PREX1: variants seen among roughly 807,000 people sequenced by gnomAD.
PREX1 encodes the protein phosphatidylinositol-3,4,5-trisphosphate dependent Rac exchange factor 1, also known as phosphatidylinositol 3,4,5-trisphosphate-dependent Rac exchanger 1 protein.
A neutral mutation model predicts 198.3 loss-of-function variants in PREX1; 41 were observed. The ratio of observed to expected loss-of-function variants is 0.21; its 90% confidence interval spans 0.16 to 0.27. The LOEUF is 0.27. PREX1 is among the 10% of genes least tolerant of loss of function. PREX1 has a pLI of 1.00. For missense variants in PREX1, 1,620 were observed against 2,200.7 expected, an observed-to-expected ratio of 0.74 and a Z score of 5.28; for synonymous variants, 843 against 887.2, an observed-to-expected ratio of 0.95 and a Z score of 0.89.
intron 5 of PREX1, among the ~76,000 whole-genome samples, chr20:48,711,750 A>C (rs1209604216): frequency 6.6e-6 from 1 of 152,224 alleles, no homozygotes; most frequent in Non-Finnish European, 1.5e-5. Context: ...GTTAAAAGCA[A>C]CAGAACTGAT....
intron 1 of PREX1, among the ~76,000 whole-genome samples, chr20:48,795,700 G>A (rs2090359152): frequency 6.6e-6 from 1 of 152,068 alleles, no homozygotes; most frequent in Admixed American, 6.5e-5. Context: ...GTAGGCAGAA[G>A]TCAGAAGGAA....
chr20:48,794,158 G>A (rs1176947902), intron 1 of PREX1, among the ~76,000 whole-genome samples: 7 of 152,136 alleles, frequency 4.6e-5, no homozygotes, highest in Non-Finnish European at 7.4e-5. Flanking sequence ...AGCTGCAAAC[G>A]AGCCCCTCTA....
chr20:48,822,287 T>TGTAATTTTGCTCATGAA (rs1243530755), intron 1 of PREX1, among the ~76,000 whole-genome samples: 1 of 152,212 alleles, frequency 6.6e-6, no homozygotes, highest in African/African-American at 2.4e-5. Flanking sequence ...CCCAGAGGTC[T>TGTAATTTTGCTCATGAA]CACAGGGGCA....
intron 15 of PREX1, among the ~76,000 whole-genome samples, chr20:48,663,527 C>CAAA (rs982399552): frequency 1.3e-5 from 2 of 152,220 alleles, no homozygotes; most frequent in Non-Finnish European, 2.9e-5. Context: ...GACTTCGTCT[C>CAAA]AAAAAACAAA....
chr20:48,660,157 G>C (rs765897382), intron 15 of PREX1, 96 bp from the exon 16 acceptor site: 13 of 1,479,086 alleles, frequency 8.8e-6, no homozygotes, highest in Non-Finnish European at 1.2e-5. Flanking sequence ...ACTAGGCCAT[G>C]GACACGTTTG....
upstream of PREX1, among the ~76,000 whole-genome samples, chr20:48,831,591 C>T (rs186839358): frequency 2.7e-3 from 409 of 152,348 alleles, 2 homozygotes; most frequent in South Asian, 6.0e-3. Context: ...ATACTGAGGG[C>T]CTCCTATGCT....
intron 4 of PREX1, 145 bp from the exon 5 acceptor site, chr20:48,726,536 C>T (rs2090011186): frequency 1.6e-6 from 1 of 627,916 alleles, no homozygotes; most frequent in South Asian, 1.9e-5. Context: ...AAACGTGCAT[C>T]ATCTACAACC....
chr20:48,767,208 C>T (rs542315042), intron 1 of PREX1, among the ~76,000 whole-genome samples: 9 of 152,324 alleles, frequency 5.9e-5, no homozygotes, highest in South Asian at 4.1e-4. Flanking sequence ...CTAACCACCT[C>T]GACTCCCTGC....
chr20:48,754,006 C>T (rs1237118979), intron 1 of PREX1, among the ~76,000 whole-genome samples: 3 of 152,166 alleles, frequency 2.0e-5, no homozygotes, highest in Admixed American at 6.5e-5. Context: ...TTTCCTTGGC[C>T]GTCTACGCAG....
rs565507839 is a variant in PREX1 at position 48,816,631 on chromosome 20, C to A, written c.219+11011G>T. ...GTGGCTATGTTGTGGCAGGACCACA[C>A]CCCTAAGACTCAAGGCACCTCTAGG... On this transcript the variant is annotated intron_variant, in intron 1 of 39. Coordinates refer to ENST00000371941, the MANE Select transcript of PREX1 (RefSeq NM_020820.4). Among the ~76,000 whole-genome samples the A allele has an allele frequency of 9.9e-4, 151 of 152,220 alleles. 2 individuals carry two copies. The highest frequency in any genetic ancestry group is 3.3e-3 in the African/African-American group (136 of 41,530).
chr20:48,665,187 C>T (rs1017371835), intron 15 of PREX1, among the ~76,000 whole-genome samples: 3 of 148,300 alleles, frequency 2.0e-5, no homozygotes, highest in Admixed American at 6.8e-5. Context: ...TAACTCCAGA[C>T]GGCCTGAGTT....
chr20:48,857,163 G>A, the PREX1 span, among the ~76,000 whole-genome samples: 2 of 152,196 alleles, frequency 1.3e-5, no homozygotes, highest in Admixed American at 1.3e-4. Flanking sequence ...TTAGGTCCTT[G>A]CCACCCATGG....
At chr20:48,648,399 C>G (rs985711881) in intron 25 of PREX1, among the ~76,000 whole-genome samples, 7 of 152,160 alleles carry the variant, frequency 4.6e-5, no homozygotes, top group Non-Finnish European at 1.0e-4. Context: ...ATTTTGCCAC[C>G]AGCATCTCGT....
intron 1 of PREX1, among the ~76,000 whole-genome samples, chr20:48,793,848 A>T (rs1321208547): frequency 6.6e-6 from 1 of 152,222 alleles, no homozygotes; most frequent in Non-Finnish European, 1.5e-5. Flanking sequence ...TTAACGACTC[A>T]CAGTGGTCCA....
intron 1 of PREX1, among the ~76,000 whole-genome samples, chr20:48,769,416 G>A (rs574152017): frequency 1.3e-5 from 2 of 152,236 alleles, no homozygotes; most frequent in East Asian, 1.9e-4. Flanking sequence ...TACCGTCGTC[G>A]CTGGGGCATC....
intron 1 of PREX1, among the ~76,000 whole-genome samples, chr20:48,809,759 G>A (rs1194182595): frequency 1.3e-5 from 2 of 152,200 alleles, no homozygotes; most frequent in Non-Finnish European, 2.9e-5. Flanking sequence ...GGCCCAGGCA[G>A]GGACCCTCTA....
intron 14 of PREX1, among the ~76,000 whole-genome samples, chr20:48,674,962 AAG>A: frequency 6.6e-6 from 1 of 152,346 alleles, no homozygotes. Flanking sequence ...TAGTTTGCCC[AAG>A]ACCATCCCAG....
At position 48,628,360 on chromosome 20, in the gene PREX1, T is replaced by A. The variant is rs114741558; in HGVS notation, c.4767-397A>T. 8.2e-3 allele frequency among the ~76,000 whole-genome samples: 1,245 copies of A among 152,290 alleles called. 20 individuals carry two copies. The highest frequency in any genetic ancestry group is 0.028 in the African/African-American group (1,174 of 41,554). On this transcript the variant is annotated intron_variant, in intron 37 of 39. Coordinates refer to ENST00000371941, the MANE Select transcript of PREX1 (RefSeq NM_020820.4). ...CACATCGATTCACACCTCTCTGGGT[T>A]TCTCAACAGTTCTAGAACGTGGATT... is the stretch of plus-strand genomic sequence containing the variant.
the PREX1 span, among the ~76,000 whole-genome samples, chr20:48,866,542 A>G: frequency 6.6e-6 from 1 of 152,176 alleles, no homozygotes; most frequent in Middle Eastern, 3.2e-3. Context: ...AAAGTTTCTC[A>G]GTTTTTTGAC....
Sources: gnomAD v4.1 joint callset for allele counts (sites outside exome capture counted in the v4.1 genomes callset) on GRCh38, gnomAD v4.1.1 for gene constraint, MANE v1.5 for transcripts, NCBI Gene and HGNC (gene_info 2026-07-23, HGNC 2026-07-21) for gene names.